SMYD4: variants seen among roughly 807,000 people sequenced by gnomAD.
The protein encoded by SMYD4 is protein-lysine N-methyltransferase SMYD4.
SMYD4 carries 68 observed loss-of-function variants against 72.8 expected under a neutral mutation model. The observed-to-expected ratio is 0.93, with a 90% CI of 0.77 to 1.14. The LOEUF (loss-of-function observed/expected upper bound fraction) is 1.14, where lower values mean the gene tolerates loss of function less well. Among genes scored for constraint, SMYD4 ranks in the 50% most tolerant of loss-of-function variants. The pLI is 0.00. For missense variants in SMYD4, 984 were observed against 1,003.7 expected, an observed-to-expected ratio of 0.98 and a Z score of 0.27; for synonymous variants, 407 against 388.6, an observed-to-expected ratio of 1.05 and a Z score of -0.56.
At chr17:1,796,299 GTTT>G (rs35650939) in intron 5 of SMYD4, among the ~76,000 whole-genome samples, 1 of 109,576 alleles carries the variant, frequency 9.1e-6, no homozygotes, top group African/African-American at 3.7e-5. Flanking sequence ...ATGCCTGGCT[GTTT>G]TTTTTTTTTT....
At chr17:1,824,626 T>C in intron 2 of SMYD4, among the ~76,000 whole-genome samples, 1 of 152,144 alleles carries the variant, frequency 6.6e-6, no homozygotes, top group African/African-American at 2.4e-5. Flanking sequence ...TATATTTATA[T>C]TTTTATTTTT....
At position 1,800,871 on chromosome 17, in the gene SMYD4, C is replaced by T; in HGVS notation, c.523G>A (p.Ala175Thr). Reference sequence around the variant, plus strand: ...AGGACATCTGCTAGGGCTGGTGTGGCTGTGAAGTTCCTTTCAAGATCACTG... The same window carrying T: ...AGGACATCTGCTAGGGCTGGTGTGGTTGTGAAGTTCCTTTCAAGATCACTG... ...TISDLERNFT[A>T]TPALADVLPQ... Residue 175 changes from alanine to threonine, a missense_variant, in exon 5 of 11, where the codon GCC becomes ACC. Physicochemically the swap from Ala to Thr is moderately conservative, Grantham distance 58. Transcript: ENST00000305513. 2 of 1,614,200 alleles carry T rather than the reference C, an allele frequency of 1.2e-6. No homozygotes were observed. The highest frequency in any genetic ancestry group is 1.7e-6 in the Non-Finnish European group (2 of 1,180,036).
chr17:1,806,937 C>T (rs996859899), intron 3 of SMYD4, among the ~76,000 whole-genome samples: 1 of 151,696 alleles, frequency 6.6e-6, no homozygotes, highest in Non-Finnish European at 1.5e-5. Flanking sequence ...GTCGTCCAGG[C>T]TGGAGTGCAG....
At chr17:1,804,492 T>C (rs1215263330) in intron 4 of SMYD4, 134 bp downstream of exon 4, 2 of 775,142 alleles carry the variant, frequency 2.6e-6, no homozygotes, top group Non-Finnish European at 4.2e-6. Flanking sequence ...TAGATATTAA[T>C]GTGCTTCCAA....
Position 1,804,615 on chromosome 17 carries a change from C to T in SMYD4, c.369+11G>A. 2 of 1,612,868 alleles carry T rather than the reference C, an allele frequency of 1.2e-6. No individual in the cohort carries two copies. Among genetic ancestry groups the T allele is most frequent in the Middle Eastern group, 3.3e-4 (2 of 6,052 alleles). On this transcript the variant is annotated intron_variant, in intron 4 of 10. Transcript: ENST00000305513. ...ATCCTGTCCTCTCATACCAGGTATC[C>T]TGATACTCACCTCATACTGACCCAG...
chr17:1,797,281 G>A (rs1349904085), intron 5 of SMYD4, among the ~76,000 whole-genome samples: 5 of 152,208 alleles, frequency 3.3e-5, no homozygotes, highest in Admixed American at 2.0e-4. Context: ...TCTCAAGAGA[G>A]TTAATTGAAA....
intron 5 of SMYD4, 70 bp from the exon 6 acceptor site, chr17:1,787,674 A>G: frequency 1.4e-6 from 2 of 1,460,010 alleles, no homozygotes; most frequent in Non-Finnish European, 1.8e-6. Flanking sequence ...TCTGTTCCTC[A>G]GAAGATGAGC....
intron 5 of SMYD4, among the ~76,000 whole-genome samples, chr17:1,788,227 C>T (rs1194731568): frequency 6.6e-6 from 1 of 152,066 alleles, no homozygotes; most frequent in East Asian, 1.9e-4. Flanking sequence ...TGGTGCACAC[C>T]TGTAGTCCCA....
intron 2 of SMYD4, among the ~76,000 whole-genome samples, chr17:1,812,712 C>T (rs1910397194): frequency 6.6e-6 from 1 of 151,616 alleles, no homozygotes; most frequent in Admixed American, 6.6e-5. Context: ...CCAGGCCCAG[C>T]TAATTTTTGT....
At chr17:1,801,625 G>GA (rs551608562) in intron 4 of SMYD4, among the ~76,000 whole-genome samples, 5,009 of 89,872 alleles carry the variant, frequency 0.056, 177 homozygotes, top group Non-Finnish European at 0.078. Flanking sequence ...GGCAGGCTTT[G>GA]AAAAAAAAAA....
intron 3 of SMYD4, among the ~76,000 whole-genome samples, chr17:1,810,346 G>A (rs1597388987): frequency 6.6e-6 from 1 of 151,950 alleles, no homozygotes; most frequent in Admixed American, 6.6e-5. Flanking sequence ...AGACCAGCCT[G>A]GCCAACATGG....
At chr17:1,784,922 A>G (rs560387378) in intron 7 of SMYD4, among the ~76,000 whole-genome samples, 10 of 148,604 alleles carry the variant, frequency 6.7e-5, no homozygotes, top group African/African-American at 1.2e-4. Flanking sequence ...GGTGCCCACC[A>G]CCAAGCCCGG....
chr17:1,786,785 TGGA>T (rs770110084), intron 7 of SMYD4, 22 bp downstream of exon 7: 2 of 1,613,316 alleles, frequency 1.2e-6, no homozygotes, highest in Non-Finnish European at 1.7e-6. Flanking sequence ...CCAGGAAAAG[TGGA>T]GGAGACAGAA....
chr17:1,810,806 C>T (rs956019447), intron 3 of SMYD4, among the ~76,000 whole-genome samples: 2 of 152,216 alleles, frequency 1.3e-5, no homozygotes, highest in Non-Finnish European at 2.9e-5. Flanking sequence ...GAAGAGCAGC[C>T]GACAGGCATC....
rs1567761487 is a variant in SMYD4 at position 1,780,794 on chromosome 17, T to G, written c.*492A>C. ...CCGCCACCACGCCCGACTAATTTTTTTGTATTTTTAGTAGAGACGGGGTTT... is the reference window on the plus strand; with the variant it reads ...CCGCCACCACGCCCGACTAATTTTTGTGTATTTTTAGTAGAGACGGGGTTT... On this transcript the variant is annotated 3_prime_UTR_variant, in exon 11 of 11. Coordinates refer to ENST00000305513, the MANE Select transcript of SMYD4 (RefSeq NM_052928.3). 6.6e-6 allele frequency: 1 copy of G among 152,496 alleles called. No individual in the cohort carries two copies. Among genetic ancestry groups the G allele is most frequent in the Non-Finnish European group, 1.5e-5 (1 of 68,564 alleles). The allele number at this position is 152,496 out of a possible 1,614,324, so 9.4% of individuals were successfully genotyped here. A position where few individuals can be genotyped will look rare whatever the true frequency, so the allele number is the denominator to read the frequency against.
chr17:1,801,544 G>C (rs943786453), intron 4 of SMYD4, among the ~76,000 whole-genome samples: 1 of 146,278 alleles, frequency 6.8e-6, no homozygotes, highest in African/African-American at 2.5e-5. Flanking sequence ...CCAGCCCCTG[G>C]ATTAAATATT....
intron 4 of SMYD4, 111 bp from the exon 5 acceptor site, chr17:1,801,135 C>T: frequency 1.1e-6 from 1 of 927,442 alleles, no homozygotes; most frequent in Non-Finnish European, 1.6e-6. Flanking sequence ...AAAAATGGAA[C>T]AATTACAACC....
In SMYD4 at chr17:1,781,143, A is replaced by T; in HGVS notation, c.*143T>A. The T allele has an allele frequency of 1.9e-6, 2 of 1,030,620 alleles. No homozygotes were observed. Among genetic ancestry groups the T allele is most frequent in the Non-Finnish European group, 2.7e-6 (2 of 730,876 alleles). The allele number at this position is 1,030,620 out of a possible 1,614,324, so 63.8% of individuals were successfully genotyped here. ...ACCATGTTGGCCAGGCTGGTCTTGA[A>T]CTCCTGACATCAGGTGATCCGCCCA... On this transcript the variant is annotated 3_prime_UTR_variant, in exon 11 of 11. Coordinates refer to ENST00000305513, the MANE Select transcript of SMYD4 (RefSeq NM_052928.3).
Position 1,794,010 on chromosome 17 carries a change from T to TAC in SMYD4, c.1537+5846_1537+5847insGT, listed in dbSNP as rs1263287309. On this transcript the variant is annotated intron_variant, in intron 5 of 10. Transcript: ENST00000305513. ...TAATTTTTGTGTATATATATATGTA[T>TAC]ATATATATATGTGTGTATATATATA... 3.2e-4 allele frequency among the ~76,000 whole-genome samples: 29 copies of TAC among 91,626 alleles called. No homozygotes were observed. In the East Asian group the frequency reaches 6.9e-3, roughly 22 times the overall value. 60.1% of individuals were successfully genotyped at this position (91,626 alleles called of 152,430 possible).
Sources: allele counts gnomAD v4.1 joint callset (sites outside exome capture counted in the v4.1 genomes callset), GRCh38; gene constraint gnomAD v4.1.1; transcripts MANE v1.5; gene names NCBI Gene and HGNC (gene_info 2026-07-23, HGNC 2026-07-21).